PMEPA1: variants seen among roughly 807,000 people sequenced by gnomAD.
PMEPA1 encodes protein TMEPAI.
PMEPA1 carries 11 observed loss-of-function variants against 23.0 expected under a neutral mutation model. The ratio of observed to expected loss-of-function variants is 0.48; its 90% confidence interval spans 0.30 to 0.79. The LOEUF (loss-of-function observed/expected upper bound fraction) is 0.79. Ranked by LOEUF, PMEPA1 falls within the 30% of genes least tolerant of loss-of-function variation. The pLI is 0.06. For missense variants in PMEPA1, 377 were observed against 390.9 expected, an observed-to-expected ratio of 0.96 and a Z score of 0.30; for synonymous variants, 204 against 166.4, an observed-to-expected ratio of 1.23 and a Z score of -1.74.
At chr20:57,678,463 G>T (rs976788907) in intron 1 of PMEPA1, among the ~76,000 whole-genome samples, 1 of 152,254 alleles carries the variant, frequency 6.6e-6, no homozygotes, top group Non-Finnish European at 1.5e-5. Flanking sequence ...GCCTTAAGCG[G>T]TCCTTAGGGC....
chr20:57,679,613 A>G (rs1257198836), intron 1 of PMEPA1, among the ~76,000 whole-genome samples: 3 of 152,202 alleles, frequency 2.0e-5, no homozygotes, highest in South Asian at 4.1e-4. Context: ...ACAGATTCCA[A>G]CCAGGCGCTC....
rs766105571 is a variant in PMEPA1 at position 57,652,181 on chromosome 20, G to C, written c.736C>G (p.His246Asp). ...IGHYPGSSFQ[H>D]QQSSGPPSLL... ...GAGGGCGGCCCACTGCTCTGCTGGT[G>C]CTGGAAGGAGGACCCCGGGTAGTGG... Residue 246 changes from histidine (H) to aspartate (D), a missense_variant, in exon 4 of 4, where the codon CAC (histidine) becomes GAC (aspartate). Physicochemically the swap from His to Asp is moderately conservative, Grantham distance 81. Coordinates refer to ENST00000341744, the MANE Select transcript of PMEPA1 (RefSeq NM_020182.5). This position sits in a 1 kb window ranked among gnomAD's most constrained non-coding sequence, Gnocchi z 6.1. 1.2e-6 allele frequency: 2 copies of C among 1,609,356 alleles called. No individual in the cohort carries two copies. Among genetic ancestry groups the C allele is most frequent in the East Asian group, 2.2e-5 (1 of 44,722 alleles).
At chr20:57,661,719 C>CG (rs1219117270) in intron 1 of PMEPA1, among the ~76,000 whole-genome samples, 1 of 152,170 alleles carries the variant, frequency 6.6e-6, no homozygotes, top group Non-Finnish European at 1.5e-5. Flanking sequence ...ACTCCAAACC[C>CG]GGGGGGCCCA....
intron 1 of PMEPA1, among the ~76,000 whole-genome samples, chr20:57,684,652 T>C (rs1346657470): frequency 6.6e-6 from 1 of 152,224 alleles, no homozygotes; most frequent in East Asian, 1.9e-4. Flanking sequence ...AATGACCTAG[T>C]CGCTATGGCA....
In PMEPA1 at chr20:57,704,906, A is replaced by G. The variant is rs1047731136; in HGVS notation, c.109+4568T>C. On this transcript the variant is annotated intron_variant, in intron 1 of 3. Transcript: ENST00000341744. This position sits in a 1 kb window ranked among gnomAD's most constrained non-coding sequence, Gnocchi z 4.6. ...TGCTGTAGACGCTTCCAGCCTCCAC[A>G]GACCTCCCGACGGCCTCCCTTCTCC... Among the ~76,000 whole-genome samples the G allele has an allele frequency of 2.0e-5, 3 of 152,108 alleles. No individual in the cohort carries two copies. The highest frequency in any genetic ancestry group is 4.4e-5 in the Non-Finnish European group (3 of 68,004).
chr20:57,671,144 ATTT>A (rs2071562392), intron 1 of PMEPA1, among the ~76,000 whole-genome samples: 1 of 152,156 alleles, frequency 6.6e-6, no homozygotes, highest in African/African-American at 2.4e-5. Flanking sequence ...AACTAATGGG[ATTT>A]TTGTTTCTAT....
At chr20:57,699,471 C>A (rs963479587) in intron 1 of PMEPA1, among the ~76,000 whole-genome samples, 4 of 152,200 alleles carry the variant, frequency 2.6e-5, no homozygotes, top group African/African-American at 7.2e-5. Context: ...CCAAAGACTC[C>A]ACATCTAGAA....
chr20:57,702,484 A>C (rs1388761836), intron 1 of PMEPA1, among the ~76,000 whole-genome samples: 13 of 152,170 alleles, frequency 8.5e-5, no homozygotes, highest in Admixed American at 7.9e-4. Flanking sequence ...AATTGCTCTG[A>C]GAGGTGGCCA....
rs909573117 is a variant in PMEPA1 at position 57,655,687 on chromosome 20, C to T, written c.265-2601G>A. Among the ~76,000 whole-genome samples the T allele has an allele frequency of 1.3e-5, 2 of 152,186 alleles. No individual in the cohort carries two copies. Among genetic ancestry groups the T allele is most frequent in the Non-Finnish European group, 2.9e-5 (2 of 68,040 alleles). On this transcript the variant is annotated intron_variant, in intron 2 of 3. Coordinates refer to ENST00000341744, the MANE Select transcript of PMEPA1 (RefSeq NM_020182.5). This position sits in a 1 kb window ranked among gnomAD's most constrained non-coding sequence, Gnocchi z 4.2. Reference sequence around the variant, plus strand: ...GCCACTGCTGACGAGCCCCCTGCTCCCAGCAGCCTCCAACCACTCCCAGAC... The same window carrying T: ...GCCACTGCTGACGAGCCCCCTGCTCTCAGCAGCCTCCAACCACTCCCAGAC...
At position 57,663,459 on chromosome 20, in the gene PMEPA1, C is replaced by T. The variant is rs750237160; in HGVS notation, c.110-3762G>A. On this transcript the variant is annotated intron_variant, in intron 1 of 3. Coordinates refer to ENST00000341744, the MANE Select transcript of PMEPA1 (RefSeq NM_020182.5). ...GGGGGACAGTGGGCAGCAGGATGTG[C>T]GGGGGACATGTGCTCAGCATGTAGT... Among the ~76,000 whole-genome samples, 209 of 152,202 alleles carry T rather than the reference C, an allele frequency of 1.4e-3. 2 individuals carry two copies. The highest frequency in any genetic ancestry group is 0.014 in the Middle Eastern group (4 of 294).
At position 57,654,434 on chromosome 20, in the gene PMEPA1, G is replaced by A. The variant is rs150204946; in HGVS notation, c.265-1348C>T. Among the ~76,000 whole-genome samples the A allele has an allele frequency of 5.5e-3, 832 of 152,176 alleles. 9 individuals are homozygous for A. The highest frequency in any genetic ancestry group is 0.019 in the African/African-American group (778 of 41,510). ...CAGCCTGGGTAGGAACGGCCAGAGG[G>A]TGGTAATTTCCCATATGGCCACTAG... On this transcript the variant is annotated intron_variant, in intron 2 of 3. Transcript: ENST00000341744.
At chr20:57,668,787 T>C (rs1160064488) in intron 1 of PMEPA1, among the ~76,000 whole-genome samples, 1 of 152,254 alleles carries the variant, frequency 6.6e-6, no homozygotes. Context: ...GCACCATGCA[T>C]GACCCACCTC....
intron 2 of PMEPA1, among the ~76,000 whole-genome samples, chr20:57,653,511 G>A (rs928604583): frequency 5.3e-5 from 8 of 152,344 alleles, no homozygotes; most frequent in African/African-American, 1.2e-4. Flanking sequence ...TAATTTCAAC[G>A]CTGCAGTTTC....
chr20:57,691,887 A>C (rs940478177), intron 1 of PMEPA1: 1 of 152,296 alleles, frequency 6.6e-6, no homozygotes, highest in Non-Finnish European at 1.5e-5. Context: ...GAGGGGAAAC[A>C]GAACCCTGGG....
chr20:57,671,555 T>TAC (rs1436637137), intron 1 of PMEPA1, among the ~76,000 whole-genome samples: 1 of 152,272 alleles, frequency 6.6e-6, no homozygotes, highest in Admixed American at 6.5e-5. Context: ...AATATGTATA[T>TAC]ACACACACAT....
At chr20:57,695,446 G>A (rs1188692252) in intron 1 of PMEPA1, among the ~76,000 whole-genome samples, 1 of 152,258 alleles carries the variant, frequency 6.6e-6, no homozygotes, top group Non-Finnish European at 1.5e-5. Flanking sequence ...GCATTTCACC[G>A]CTAGAGAATC....
intron 1 of PMEPA1, among the ~76,000 whole-genome samples, chr20:57,663,081 GCTCA>G (rs2071445915): frequency 6.6e-6 from 1 of 152,218 alleles, no homozygotes; most frequent in South Asian, 2.1e-4. Context: ...TGAGCACCGG[GCTCA>G]GTAGCGCATA....
In PMEPA1 at chr20:57,659,717, C is replaced by G. The variant is rs1165515046; in HGVS notation, c.110-20G>C. ...GCTCCGCTGTGGAGACAAAGAGGGACACGTGAGACCCTGGACACCTGCAGG... is the reference window on the plus strand; with the variant it reads ...GCTCCGCTGTGGAGACAAAGAGGGAGACGTGAGACCCTGGACACCTGCAGG... On this transcript the variant is annotated intron_variant, in intron 1 of 3. Transcript: ENST00000341744. 2 of 1,556,060 alleles carry G rather than the reference C, an allele frequency of 1.3e-6. No individual in the cohort carries two copies. Among genetic ancestry groups the G allele is most frequent in the East Asian group, 4.9e-5 (2 of 41,218 alleles).
intron 1 of PMEPA1, among the ~76,000 whole-genome samples, chr20:57,689,348 G>C (rs565018331): frequency 2.0e-5 from 3 of 152,270 alleles, no homozygotes; most frequent in African/African-American, 7.2e-5. Flanking sequence ...CCGCCAGTCT[G>C]AACGTGAGAA....
Sources: allele counts gnomAD v4.1 joint callset (sites outside exome capture counted in the v4.1 genomes callset), GRCh38; gene constraint gnomAD v4.1.1; non-coding constraint Gnocchi (gnomAD v3.1); transcripts MANE v1.5; gene names NCBI Gene and HGNC (gene_info 2026-07-23, HGNC 2026-07-21).